ZNF385B: variants seen among roughly 807,000 people sequenced by gnomAD.
ZNF385B encodes zinc finger protein 385B, also known as zinc finger protein 533.
ZNF385B carries 23 observed loss-of-function variants against 39.2 expected under a neutral mutation model. The observed-to-expected ratio is 0.59, with a 90% CI of 0.42 to 0.83. ZNF385B has a LOEUF of 0.83. Among genes scored for constraint, ZNF385B ranks in the 40% least tolerant of loss-of-function variants. The pLI, the probability that ZNF385B is intolerant of heterozygous loss-of-function variation, is 0.00. For missense variants in ZNF385B, 552 were observed against 598.9 expected (o/e 0.92, Z 0.82); for synonymous variants, 205 against 222.6 (o/e 0.92, Z 0.70).
chr2:179,498,868 A>G (rs2056498967), intron 5 of ZNF385B, among the ~76,000 whole-genome samples: 2 of 151,958 alleles, frequency 1.3e-5, no homozygotes, highest in Admixed American at 1.3e-4. Context: ...TACAAAAAAA[A>G]TCAATGAAAC....
At chr2:179,756,767 G>A (rs888911588) in intron 3 of ZNF385B, among the ~76,000 whole-genome samples, 19 of 152,038 alleles carry the variant, frequency 1.2e-4, no homozygotes, top group Non-Finnish European at 1.6e-4. Context: ...TGATCGAATC[G>A]GCTAGTGAGG....
chr2:179,790,407 C>T (rs1337995733), intron 1 of ZNF385B, among the ~76,000 whole-genome samples: 1 of 152,108 alleles, frequency 6.6e-6, no homozygotes, highest in African/African-American at 2.4e-5. Context: ...TCAGAAACAC[C>T]CAGTAAGCTT....
At chr2:179,618,078 A>G (rs1298407594) in intron 3 of ZNF385B, among the ~76,000 whole-genome samples, 1 of 152,214 alleles carries the variant, frequency 6.6e-6, no homozygotes, top group African/African-American at 2.4e-5. Flanking sequence ...CTCCTACTTT[A>G]GCATTAATAA....
intron 1 of ZNF385B, chr2:179,814,515 C>T: frequency 1.4e-6 from 1 of 715,296 alleles, no homozygotes; most frequent in Non-Finnish European, 2.3e-6. Context: ...CAGGAACAAG[C>T]ACATCATGGT....
chr2:179,630,766 C>A (rs1691130813), intron 3 of ZNF385B, among the ~76,000 whole-genome samples: 1 of 152,078 alleles, frequency 6.6e-6, no homozygotes, highest in Non-Finnish European at 1.5e-5. Context: ...AAGCTAAAAA[C>A]CTTGAAAAAA....
chr2:179,710,936 C>T (rs747955578), intron 3 of ZNF385B, among the ~76,000 whole-genome samples: 3 of 152,146 alleles, frequency 2.0e-5, no homozygotes, highest in Non-Finnish European at 4.4e-5. Context: ...ACAATTGCAC[C>T]TCGTGTAGTG....
intron 3 of ZNF385B, among the ~76,000 whole-genome samples, chr2:179,630,919 A>C (rs1184151077): frequency 6.6e-6 from 1 of 152,240 alleles, no homozygotes; most frequent in African/African-American, 2.4e-5. Flanking sequence ...AAAGGATATC[A>C]GTGATTGAAA....
chr2:179,562,588 T>G, intron 3 of ZNF385B: 1 of 985,382 alleles, frequency 1.0e-6, no homozygotes, highest in Non-Finnish European at 1.2e-6. Context: ...CTCTAATTAC[T>G]ATTGAGGATC....
At chr2:179,563,336 T>C (rs1012395034) in intron 3 of ZNF385B, among the ~76,000 whole-genome samples, 2 of 152,168 alleles carry the variant, frequency 1.3e-5, no homozygotes, top group East Asian at 3.8e-4. Context: ...CTAAGCTGAT[T>C]GTCATTGATA....
At chr2:179,493,717 A>ATG (rs1222095049) in intron 5 of ZNF385B, among the ~76,000 whole-genome samples, 22 of 133,074 alleles carry the variant, frequency 1.7e-4, no homozygotes, top group Middle Eastern at 3.9e-3. Context: ...ACACATATGC[A>ATG]TATACGTATA....
chr2:179,858,891 A>C (rs1460108330), intron 1 of ZNF385B, among the ~76,000 whole-genome samples: 2 of 152,240 alleles, frequency 1.3e-5, no homozygotes, highest in Non-Finnish European at 2.9e-5. Context: ...TGAAAAATCA[A>C]GCAATGATAT....
intron 4 of ZNF385B, among the ~76,000 whole-genome samples, chr2:179,544,093 G>A (rs1051886854): frequency 1.3e-5 from 2 of 152,078 alleles, no homozygotes; most frequent in African/African-American, 4.8e-5. Flanking sequence ...TTACTATAAG[G>A]TTTAGAATCT....
At chr2:179,608,411 G>A (rs898271615) in intron 3 of ZNF385B, among the ~76,000 whole-genome samples, 6 of 152,164 alleles carry the variant, frequency 3.9e-5, no homozygotes, top group African/African-American at 1.4e-4. Flanking sequence ...GTGTGCAGAA[G>A]GAGAAGTTTC....
intron 3 of ZNF385B, among the ~76,000 whole-genome samples, chr2:179,663,826 T>G (rs571911538): frequency 1.6e-3 from 249 of 151,952 alleles, no homozygotes; most frequent in African/African-American, 5.8e-3. Context: ...TTCCGGGGAC[T>G]TTACATTCAG....
chr2:179,736,008 C>T (rs999270408), intron 3 of ZNF385B, among the ~76,000 whole-genome samples: 5 of 149,326 alleles, frequency 3.3e-5, no homozygotes, highest in Non-Finnish European at 3.0e-5. Context: ...TGCACATGTA[C>T]CCTAAAACTT....
At chr2:179,742,357 A>C (rs1400874930) in intron 3 of ZNF385B, among the ~76,000 whole-genome samples, 1 of 152,088 alleles carries the variant, frequency 6.6e-6, no homozygotes, top group Non-Finnish European at 1.5e-5. Context: ...CTGGAGACTC[A>C]CTTTTTTATT....
chr2:179,755,871 C>T (rs1351835790), intron 3 of ZNF385B, among the ~76,000 whole-genome samples: 1 of 152,156 alleles, frequency 6.6e-6, no homozygotes, highest in African/African-American at 2.4e-5. Context: ...ACTGATAGGT[C>T]TTGAATCTTT....
chr2:179,731,780 C>T (rs961484671), intron 3 of ZNF385B, among the ~76,000 whole-genome samples: 10 of 152,196 alleles, frequency 6.6e-5, no homozygotes, highest in Non-Finnish European at 1.2e-4. Context: ...TAGCAAGACC[C>T]TGTTTCTAAA....
chr2:179,647,959 G>A (rs1269342142), intron 3 of ZNF385B, among the ~76,000 whole-genome samples: 4 of 152,010 alleles, frequency 2.6e-5, no homozygotes, highest in Admixed American at 2.0e-4. Context: ...ATGGGGGTGG[G>A]GGACCCTTGG....
Sources: gnomAD v4.1 joint callset for allele counts (sites outside exome capture counted in the v4.1 genomes callset) on GRCh38, gnomAD v4.1.1 for gene constraint, MANE v1.5 for transcripts, NCBI Gene and HGNC (gene_info 2026-07-23, HGNC 2026-07-21) for gene names.